The following NRG1 variants were observed in gnomAD, a reference collection of about 807,000 sequenced individuals.
NRG1 encodes neuregulin 1.
Under a neutral mutation model 63.8 loss-of-function variants are expected in NRG1, and 18 were observed. The observed-to-expected ratio is 0.28, with a 90% CI of 0.19 to 0.42. NRG1 has a LOEUF of 0.42. Among genes scored for constraint, NRG1 ranks in the 10% least tolerant of loss-of-function variants. NRG1 has a pLI of 1.00. For synonymous variants in NRG1, 302 were observed against 301.3 expected, an observed-to-expected ratio of 1.00 and a Z score of -0.02; for missense variants, 762 against 814.7, an observed-to-expected ratio of 0.94 and a Z score of 0.79.
intron 5 of NRG1, among the ~76,000 whole-genome samples, chr8:32,633,078 A>ATT (rs1850642919): frequency 6.6e-6 from 1 of 152,098 alleles, no homozygotes; most frequent in African/African-American, 2.4e-5. Flanking sequence ...ATATTTTAGA[A>ATT]TTTCTATGAA....
intron 1 of NRG1, among the ~76,000 whole-genome samples, chr8:32,511,933 G>A (rs1419027092): frequency 6.6e-6 from 1 of 152,168 alleles, no homozygotes; most frequent in Non-Finnish European, 1.5e-5. Context: ...AGGACCAGTG[G>A]GGTAGAATTA....
chr8:31,928,070 T>G (rs1473596114), intron 1 of NRG1, among the ~76,000 whole-genome samples: 1 of 151,266 alleles, frequency 6.6e-6, no homozygotes, highest in Admixed American at 6.6e-5. Flanking sequence ...GAAAGCTCCT[T>G]TTTAATGTTA....
intron 1 of NRG1, among the ~76,000 whole-genome samples, chr8:32,050,510 T>C (rs542553401): frequency 6.6e-6 from 1 of 152,280 alleles, no homozygotes; most frequent in African/African-American, 2.4e-5. Flanking sequence ...TTAGAAAGTC[T>C]TTAGCAGGTG....
intron 1 of NRG1, among the ~76,000 whole-genome samples, chr8:32,438,493 C>T (rs767674708): frequency 1.3e-5 from 2 of 152,100 alleles, no homozygotes; most frequent in East Asian, 1.9e-4. Context: ...TATAAATACT[C>T]ATACACAGAT....
In NRG1 at chr8:31,765,814, C is replaced by G. The variant is rs533516427; in HGVS notation, c.37+126383C>G. Among the ~76,000 whole-genome samples, 55 of 152,202 alleles carry G rather than the reference C, an allele frequency of 3.6e-4. 1 individual carries two copies. Among genetic ancestry groups the G allele is most frequent in the African/African-American group, 1.2e-3 (49 of 41,540 alleles). On this transcript the variant is annotated intron_variant, in intron 1 of 10. Coordinates refer to the NRG1 transcript ENST00000519301. The stretch of plus-strand genomic sequence containing the variant: ...TCAGGCCAGGATTTTACTCCTGGCT[C>G]CTTCTATCCTTTGCATAGTGAGATC...
intron 1 of NRG1, among the ~76,000 whole-genome samples, chr8:32,464,369 A>T (rs1197742214): frequency 7.4e-6 from 1 of 134,876 alleles, no homozygotes; most frequent in Non-Finnish European, 1.5e-5. Context: ...TCTCGCTCCT[A>T]GATCAGGACC....
At chr8:31,753,366 A>G (rs201214606) in intron 1 of NRG1, among the ~76,000 whole-genome samples, 5 of 92,102 alleles carry the variant, frequency 5.4e-5, no homozygotes, top group Non-Finnish European at 1.0e-4. Flanking sequence ...GAGAAACTAC[A>G]ACAATTATCC....
intron 1 of NRG1, among the ~76,000 whole-genome samples, chr8:31,973,230 G>A (rs1349711433): frequency 6.6e-6 from 1 of 152,064 alleles, no homozygotes; most frequent in African/African-American, 2.4e-5. Flanking sequence ...AGCATACTGT[G>A]GATATACAGG....
At chr8:32,393,864 A>G (rs1235285827) in intron 1 of NRG1, among the ~76,000 whole-genome samples, 1 of 152,172 alleles carries the variant, frequency 6.6e-6, no homozygotes, top group African/African-American at 2.4e-5. Context: ...AAACCTGCAC[A>G]TGTACCCATG....
chr8:32,039,333 A>G (rs1819564767), intron 1 of NRG1, among the ~76,000 whole-genome samples: 1 of 152,180 alleles, frequency 6.6e-6, no homozygotes, highest in Admixed American at 6.5e-5. Flanking sequence ...TTGGTCTCAA[A>G]TAACTTAAAC....
intron 1 of NRG1, among the ~76,000 whole-genome samples, chr8:32,377,714 C>T (rs1809801064): frequency 6.6e-6 from 1 of 152,164 alleles, no homozygotes; most frequent in African/African-American, 2.4e-5. Flanking sequence ...CCCTCCTCCC[C>T]AATTTCACCC....
At chr8:32,611,979 C>T (rs1366584849) in intron 3 of NRG1, among the ~76,000 whole-genome samples, 1 of 151,936 alleles carries the variant, frequency 6.6e-6, no homozygotes, top group Non-Finnish European at 1.5e-5. Flanking sequence ...TTCCTGAGAC[C>T]AGACCCCGTT....
At chr8:32,110,817 C>T (rs978216935) in intron 1 of NRG1, among the ~76,000 whole-genome samples, 1 of 152,166 alleles carries the variant, frequency 6.6e-6, no homozygotes, top group African/African-American at 2.4e-5. Flanking sequence ...TAAAATCCAT[C>T]TCATAAGATG....
chr8:32,653,469 C>G (rs1855592803), intron 5 of NRG1, among the ~76,000 whole-genome samples: 1 of 152,138 alleles, frequency 6.6e-6, no homozygotes, highest in African/African-American at 2.4e-5. Context: ...CTTTAACTGA[C>G]AGCAATCCCA....
At chr8:31,654,239 T>A (rs1426641521) in intron 1 of NRG1, among the ~76,000 whole-genome samples, 2 of 152,198 alleles carry the variant, frequency 1.3e-5, no homozygotes, top group Non-Finnish European at 2.9e-5. Flanking sequence ...TAGCAAGAAT[T>A]GTTGGTGATT....
At chr8:31,758,014 T>C (rs1817150127) in intron 1 of NRG1, among the ~76,000 whole-genome samples, 1 of 152,140 alleles carries the variant, frequency 6.6e-6, no homozygotes, top group South Asian at 2.1e-4. Context: ...GAACTTCATA[T>C]AAATGGAAAC....
At chr8:32,034,991 T>C (rs1252410717) in intron 1 of NRG1, among the ~76,000 whole-genome samples, 2 of 152,170 alleles carry the variant, frequency 1.3e-5, no homozygotes, top group African/African-American at 4.8e-5. Context: ...CTGCTAGCTT[T>C]GTGGTTTGTT....
chr8:32,183,825 T>C (rs1841689303), intron 1 of NRG1, among the ~76,000 whole-genome samples: 1 of 152,170 alleles, frequency 6.6e-6, no homozygotes. Flanking sequence ...AGCTCTTTAA[T>C]GTTCAGGTGG....
intron 1 of NRG1, among the ~76,000 whole-genome samples, chr8:31,848,450 A>G (rs1360755058): frequency 2.0e-5 from 3 of 152,158 alleles, no homozygotes. Context: ...TGAATTGGGC[A>G]ATGCTGTTTA....
Sources: gnomAD v4.1 joint callset for allele counts (sites outside exome capture counted in the v4.1 genomes callset) on GRCh38, gnomAD v4.1.1 for gene constraint, MANE v1.5 for transcripts, NCBI Gene and HGNC (gene_info 2026-07-23, HGNC 2026-07-21) for gene names.